The following GDPD5 variants were observed in gnomAD, a reference collection of about 807,000 sequenced individuals.
GDPD5 encodes the protein glycerophosphodiester phosphodiesterase 2.
A neutral mutation model predicts 75.1 loss-of-function variants in GDPD5; 48 were observed. The ratio of observed to expected loss-of-function variants is 0.64; its 90% CI spans 0.51 to 0.81. GDPD5 has a LOEUF of 0.81. GDPD5 is among the 40% of genes least tolerant of loss of function. GDPD5 has a pLI of 0.00. For synonymous variants in GDPD5, 336 were observed against 339.0 expected, an observed-to-expected ratio of 0.99 and a Z score of 0.10; for missense variants, 706 against 822.6, an observed-to-expected ratio of 0.86 and a Z score of 1.73.
chr11:75,442,929 A>C, intron 11 of GDPD5: 1 of 638,662 alleles, frequency 1.6e-6, no homozygotes, highest in Non-Finnish European at 2.8e-6. Context: ...TTTTCTAGTG[A>C]GGGAAATGGA....
At chr11:75,463,915 C>A (rs1949466071) in intron 3 of GDPD5, among the ~76,000 whole-genome samples, 1 of 152,268 alleles carries the variant, frequency 6.6e-6, no homozygotes. Flanking sequence ...TCAAATATCA[C>A]TGCTTCTGTG....
intron 1 of GDPD5, among the ~76,000 whole-genome samples, chr11:75,503,019 A>T (rs1236390336): frequency 6.6e-6 from 1 of 152,022 alleles, no homozygotes; most frequent in African/African-American, 2.4e-5. Context: ...TGAGATAATG[A>T]TTGTTCTTTT....
chr11:75,467,826 CG>C (rs1301238565), intron 3 of GDPD5, among the ~76,000 whole-genome samples: 3 of 152,148 alleles, frequency 2.0e-5, no homozygotes, highest in African/African-American at 7.2e-5. Flanking sequence ...GGAGCCCCTC[CG>C]TAGCAATCTG....
At chr11:75,520,775 G>T (rs1322570888) in intron 1 of GDPD5, among the ~76,000 whole-genome samples, 1 of 152,212 alleles carries the variant, frequency 6.6e-6, no homozygotes, top group African/African-American at 2.4e-5. Flanking sequence ...CACCCCAAAG[G>T]GGGCAAAGGG....
Position 75,436,954 on chromosome 11 carries a change from C to T in GDPD5, c.1651G>A (p.Glu551Lys). The T allele has an allele frequency of 6.2e-7, 1 of 1,613,584 alleles. No homozygotes were observed. Among genetic ancestry groups the T allele is most frequent in the Non-Finnish European group, 8.5e-7 (1 of 1,179,938 alleles). Reference protein sequence around the residue: ...RTSRDVSIMKEKLIFSEISDG... With the variant: ...RTSRDVSIMKKKLIFSEISDG... ...TGTGTACCTGAGAAAATAAGCTTCT[C>T]CTTCATGATGCTGACGTCCCGGCTG... is the stretch of plus-strand genomic sequence containing the variant. The change falls in exon 16 of 17, where the codon GAG becomes AAG. Residue 551 changes from glutamate (E) to lysine (K), a missense_variant. Coordinates refer to ENST00000336898, the MANE Select transcript of GDPD5 (RefSeq NM_030792.8).
intron 4 of GDPD5, among the ~76,000 whole-genome samples, chr11:75,460,618 G>T (rs1949390184): frequency 6.6e-6 from 1 of 152,070 alleles, no homozygotes; most frequent in Admixed American, 6.5e-5. Context: ...CTAATTTTTT[G>T]TAGTTTTTGT....
chr11:75,506,138 C>A lies in GDPD5; in HGVS notation c.-144-15818G>T, dbSNP rs141207166. Among the ~76,000 whole-genome samples, 809 of 152,306 alleles carry A rather than the reference C, an allele frequency of 5.3e-3. 3 individuals are homozygous for A. The highest frequency in any genetic ancestry group is 8.2e-3 in the Non-Finnish European group (560 of 68,020). ...ACAAAATGCTGAGCCAAGGGCTTGGCACACAGTAGGCACTCAATAAAAGGT... is the reference window on the plus strand; with the variant it reads ...ACAAAATGCTGAGCCAAGGGCTTGGAACACAGTAGGCACTCAATAAAAGGT... On this transcript the variant is annotated intron_variant, in intron 1 of 16. Transcript: ENST00000336898.
chr11:75,462,748 C>G (rs746302109), intron 4 of GDPD5, 38 bp downstream of exon 4: 1 of 1,524,318 alleles, frequency 6.6e-7, no homozygotes. Context: ...ATACCCAGCT[C>G]TGGGCCCCTT....
chr11:75,483,246 C>T (rs1004969551), intron 2 of GDPD5, among the ~76,000 whole-genome samples: 2 of 152,220 alleles, frequency 1.3e-5, no homozygotes, highest in Non-Finnish European at 2.9e-5. Flanking sequence ...CAAGGCCCCT[C>T]CCCAGCCCAA....
chr11:75,463,527 C>A (rs996200794), intron 3 of GDPD5, among the ~76,000 whole-genome samples: 1 of 152,276 alleles, frequency 6.6e-6, no homozygotes, highest in African/African-American at 2.4e-5. Context: ...TTCCTCCTGG[C>A]CCTCCAATTT....
intron 15 of GDPD5, chr11:75,439,400 G>A: frequency 2.2e-6 from 1 of 456,136 alleles, no homozygotes; most frequent in Non-Finnish European, 4.4e-6. Context: ...GGGGGAGAGA[G>A]GAGGGACATG....
intron 15 of GDPD5, chr11:75,439,303 A>G (rs1458349943): frequency 2.2e-6 from 1 of 455,888 alleles, no homozygotes; most frequent in Non-Finnish European, 4.4e-6. Flanking sequence ...AGGGAGAAAG[A>G]GGAACAGAAG....
intron 2 of GDPD5, chr11:75,485,510 TACAC>T (rs3138546): frequency 0.056 from 7,990 of 143,382 alleles, 276 homozygotes; most frequent in African/African-American, 0.11. Flanking sequence ...GTGTATTAAA[TACAC>T]ACACACACAC....
chr11:75,442,642 C>A, intron 11 of GDPD5, 61 bp from the exon 12 acceptor site: 1 of 1,495,634 alleles, frequency 6.7e-7, no homozygotes, highest in Non-Finnish European at 9.2e-7. Flanking sequence ...CCCCCACATA[C>A]CCTTCTGGCA....
At chr11:75,524,093 C>G (rs1362546262) in intron 1 of GDPD5, among the ~76,000 whole-genome samples, 1 of 152,266 alleles carries the variant, frequency 6.6e-6, no homozygotes, top group African/African-American at 2.4e-5. Flanking sequence ...CATCCCCTGC[C>G]TGGGAATAAA....
At position 75,435,214 on chromosome 11, in the gene GDPD5, G is replaced by C; in HGVS notation, c.*293C>G. ...GCCCATGACCCATCAAAGCTTCCAG[G>C]TCGGGATACAGGAGAGGGCCTCAGA... On this transcript the variant is annotated 3_prime_UTR_variant, in exon 17 of 17. Coordinates refer to ENST00000336898, the MANE Select transcript of GDPD5 (RefSeq NM_030792.8). The C allele has an allele frequency of 3.2e-6, 1 of 312,096 alleles. No individual in the cohort carries two copies. Among genetic ancestry groups the C allele is most frequent in the Non-Finnish European group, 5.9e-6 (1 of 168,268 alleles). The allele number at this position is 312,096 out of a possible 1,614,324, so 19.3% of individuals were successfully genotyped here. A position where few individuals can be genotyped will look rare whatever the true frequency, so the allele number is the denominator to read the frequency against.
intron 6 of GDPD5, among the ~76,000 whole-genome samples, chr11:75,452,622 C>T (rs532899880): frequency 1.6e-3 from 250 of 152,304 alleles, no homozygotes; most frequent in Middle Eastern, 6.8e-3. Context: ...TCAGTGAATG[C>T]GCCTTCCTTA....
intron 1 of GDPD5, among the ~76,000 whole-genome samples, chr11:75,522,184 CGT>C (rs1016942921): frequency 7.9e-5 from 12 of 152,184 alleles, no homozygotes; most frequent in African/African-American, 2.9e-4. Flanking sequence ...CCTAAAGTGC[CGT>C]GTGTTTCACA....
intron 15 of GDPD5, chr11:75,439,410 G>A: frequency 2.2e-6 from 1 of 455,078 alleles, no homozygotes; most frequent in South Asian, 1.6e-5. Flanking sequence ...GGAGGGACAT[G>A]CGCCGATCAG....
Sources: gnomAD v4.1 joint callset for allele counts (sites outside exome capture counted in the v4.1 genomes callset) on GRCh38, gnomAD v4.1.1 for gene constraint, MANE v1.5 for transcripts, NCBI Gene and HGNC (gene_info 2026-07-23, HGNC 2026-07-21) for gene names.